The following NELL1 variants were observed in gnomAD, a reference collection of about 807,000 sequenced individuals.
NELL1 encodes protein kinase C-binding protein NELL1.
NELL1 carries 76 observed loss-of-function variants against 107.4 expected under a neutral mutation model. The observed-to-expected ratio is 0.71, with a 90% confidence interval of 0.59 to 0.86. The LOEUF is 0.86. Among genes scored for constraint, NELL1 ranks in the 40% least tolerant of loss-of-function variants. NELL1 has a pLI of 0.00. For missense variants in NELL1, 1,024 were observed against 1,005.5 expected, an observed-to-expected ratio of 1.02 and a Z score of -0.25; for synonymous variants, 353 against 341.2, an observed-to-expected ratio of 1.03 and a Z score of -0.38.
intron 3 of NELL1, among the ~76,000 whole-genome samples, chr11:20,785,957 T>C (rs1370377174): frequency 6.6e-6 from 1 of 152,158 alleles, no homozygotes; most frequent in Non-Finnish European, 1.5e-5. Flanking sequence ...ATATCCCTAG[T>C]AGGTTTCTAA....
intron 7 of NELL1, 64 bp from the exon 8 acceptor site, chr11:20,927,244 A>C: frequency 6.7e-7 from 1 of 1,484,394 alleles, no homozygotes; most frequent in Non-Finnish European, 9.1e-7. Flanking sequence ...TCTTGTTGCT[A>C]TTAGCTTTGT....
chr11:21,310,336 G>A (rs1849723786), intron 14 of NELL1, among the ~76,000 whole-genome samples: 1 of 151,946 alleles, frequency 6.6e-6, no homozygotes, highest in Admixed American at 6.6e-5. Flanking sequence ...GTATTACCTT[G>A]ACATTTAGTG....
At position 20,772,613 on chromosome 11, in the gene NELL1, T is replaced by TTTCATTCATTCATTCATTCA. The variant is rs3045564; in HGVS notation, c.185-11055_185-11036dup. ...GCCTATTACCTAAATATTAGGCACTTTTCATTCATTCATTCATTCATTCAT... is the reference window on the plus strand; with the variant it reads ...GCCTATTACCTAAATATTAGGCACTTTTCATTCATTCATTCATTCATTCATTCATTCATTCATTCATTCAT... On this transcript the variant is annotated intron_variant, in intron 2 of 19. Coordinates refer to ENST00000357134, the MANE Select transcript of NELL1 (RefSeq NM_006157.5). Among the ~76,000 whole-genome samples the TTTCATTCATTCATTCATTCA allele has an allele frequency of 7.4e-3, 1,110 of 150,928 alleles. 12 individuals are homozygous for TTTCATTCATTCATTCATTCA. The highest frequency in any genetic ancestry group is 0.014 in the Middle Eastern group (4 of 290).
At position 20,915,717 on chromosome 11, in the gene NELL1, A is replaced by ATATATATATATATATATT; in HGVS notation, c.604-2464_604-2463insATATATATATATATATTT. On this transcript the variant is annotated intron_variant, in intron 5 of 19. Transcript: ENST00000357134. ...TCATAGATGATATATATATATATAT[A>ATATATATATATATATATT]TTTTTTTTTTTTTTTTTTGAGAGGA... Among the ~76,000 whole-genome samples, 398 of 58,196 alleles carry ATATATATATATATATATT rather than the reference A, an allele frequency of 6.8e-3. 12 individuals carry two copies. The highest frequency in any genetic ancestry group is 0.02 in the Middle Eastern group (2 of 100). The allele number at this position is 58,196 out of a possible 152,430, so 38.2% of individuals were successfully genotyped here.
Position 20,676,814 on chromosome 11 carries a change from A to G in NELL1, c.56-1118A>G, listed in dbSNP as rs958926. Among the ~76,000 whole-genome samples, 1,196 of 152,324 alleles carry G rather than the reference A, an allele frequency of 7.9e-3. 16 individuals carry two copies. The highest frequency in any genetic ancestry group is 0.027 in the African/African-American group (1,133 of 41,574). ...ATCTTGTCTCAGTGACTGCATTACC[A>G]TCAGATGAGAGTTGACAGCTGTTGC... On this transcript the variant is annotated intron_variant, in intron 1 of 19. Coordinates refer to ENST00000357134, the MANE Select transcript of NELL1 (RefSeq NM_006157.5).
chr11:21,384,412 T>C (rs1851686438), intron 15 of NELL1, among the ~76,000 whole-genome samples: 1 of 151,772 alleles, frequency 6.6e-6, no homozygotes, highest in Non-Finnish European at 1.5e-5. Flanking sequence ...TTTCTGGCCA[T>C]AATTGTCTTC....
intron 15 of NELL1, among the ~76,000 whole-genome samples, chr11:21,513,891 C>G (rs956830296): frequency 4.7e-4 from 71 of 152,242 alleles, no homozygotes; most frequent in South Asian, 6.2e-4. Context: ...CCTGAGCCCC[C>G]CTGGTGAGTA....
chr11:20,860,754 C>G (rs1394300786), intron 4 of NELL1, among the ~76,000 whole-genome samples: 1 of 152,170 alleles, frequency 6.6e-6, no homozygotes, highest in East Asian at 1.9e-4. Flanking sequence ...CAAGGTGAAC[C>G]GTGCCTTGCT....
At chr11:21,106,464 G>A (rs1234388707) in intron 12 of NELL1, among the ~76,000 whole-genome samples, 2 of 152,044 alleles carry the variant, frequency 1.3e-5, no homozygotes, top group Non-Finnish European at 2.9e-5. Flanking sequence ...TATTTCACTA[G>A]AGCTACAGTT....
chr11:20,702,033 C>T (rs530545953), intron 2 of NELL1, among the ~76,000 whole-genome samples: 14 of 152,134 alleles, frequency 9.2e-5, no homozygotes, highest in South Asian at 2.1e-4. Flanking sequence ...TAGTTTTTTT[C>T]CAATTCTGTG....
chr11:20,802,205 C>T (rs908196220), intron 3 of NELL1, among the ~76,000 whole-genome samples: 1 of 152,036 alleles, frequency 6.6e-6, no homozygotes, highest in African/African-American at 2.4e-5. Context: ...ATTAATTCTT[C>T]CAATCCATGA....
chr11:21,177,380 G>T (rs1179599381), intron 13 of NELL1, among the ~76,000 whole-genome samples: 1 of 151,572 alleles, frequency 6.6e-6, no homozygotes, highest in Non-Finnish European at 1.5e-5. Context: ...TAGGTGCCTG[G>T]CTTATTTCAC....
intron 15 of NELL1, among the ~76,000 whole-genome samples, chr11:21,386,419 T>C (rs1207356947): frequency 1.3e-5 from 2 of 151,764 alleles, no homozygotes; most frequent in Non-Finnish European, 2.9e-5. Context: ...ATAAACTAGA[T>C]GGTTCATTTC....
At chr11:21,033,750 T>C (rs758756690) in intron 12 of NELL1, among the ~76,000 whole-genome samples, 3 of 152,218 alleles carry the variant, frequency 2.0e-5, no homozygotes, top group Non-Finnish European at 2.9e-5. Flanking sequence ...CCTTTGGGTA[T>C]ATACCCAGTA....
At chr11:21,025,953 T>G (rs1264926853) in intron 12 of NELL1, among the ~76,000 whole-genome samples, 1 of 152,162 alleles carries the variant, frequency 6.6e-6, no homozygotes, top group Non-Finnish European at 1.5e-5. Context: ...TTTCTTCCAT[T>G]GCAATTTCAA....
intron 2 of NELL1, among the ~76,000 whole-genome samples, chr11:20,683,304 T>G (rs1225753422): frequency 2.6e-5 from 4 of 152,106 alleles, no homozygotes; most frequent in Non-Finnish European, 5.9e-5. Flanking sequence ...TCATGTAGTT[T>G]CTTTTTTTCC....
intron 3 of NELL1, among the ~76,000 whole-genome samples, chr11:20,818,170 A>G (rs1328248643): frequency 6.6e-6 from 1 of 152,132 alleles, no homozygotes; most frequent in East Asian, 1.9e-4. Flanking sequence ...GTGATCTAAT[A>G]CTATCAGTGG....
chr11:20,775,908 AT>A (rs1231495965), intron 2 of NELL1, among the ~76,000 whole-genome samples: 1 of 152,202 alleles, frequency 6.6e-6, no homozygotes, highest in African/African-American at 2.4e-5. Flanking sequence ...AACTGGCTTT[AT>A]TATTCCTTAG....
intron 3 of NELL1, among the ~76,000 whole-genome samples, chr11:20,814,184 T>A (rs542535025): frequency 3.9e-5 from 6 of 152,080 alleles, no homozygotes; most frequent in Non-Finnish European, 7.4e-5. Context: ...TTAGTAGAGA[T>A]GGGGTTTCAC....
Sources: allele counts gnomAD v4.1 joint callset (sites outside exome capture counted in the v4.1 genomes callset), GRCh38; gene constraint gnomAD v4.1.1; transcripts MANE v1.5; gene names NCBI Gene and HGNC (gene_info 2026-07-23, HGNC 2026-07-21).